FAM135B: variants seen among roughly 807,000 people sequenced by gnomAD.
FAM135B encodes family with sequence similarity 135 member B, also known as protein FAM135B.
Under a neutral mutation model 127.7 loss-of-function variants are expected in FAM135B, and 43 were observed. The observed-to-expected ratio is 0.34, with a 90% CI of 0.26 to 0.43. FAM135B has a LOEUF of 0.43. Ranked by LOEUF, FAM135B falls within the 20% of genes least tolerant of loss-of-function variation. FAM135B has a pLI of 1.00. For missense variants in FAM135B, 1,558 were observed against 1,725.6 expected (o/e 0.90, Z 1.72); for synonymous variants, 670 against 665.1 (o/e 1.01, Z -0.11).
At chr8:138,424,192 A>T (rs905154470) in intron 1 of FAM135B, among the ~76,000 whole-genome samples, 8 of 152,212 alleles carry the variant, frequency 5.3e-5, no homozygotes, top group Non-Finnish European at 1.0e-4. Context: ...TAAGATATTA[A>T]AGACAGGCAT....
chr8:138,369,218 A>AGGGAGAGAAT (rs1005897593), intron 1 of FAM135B, among the ~76,000 whole-genome samples: 4 of 152,150 alleles, frequency 2.6e-5, no homozygotes, highest in Non-Finnish European at 4.4e-5. Context: ...ACCTCTGGGA[A>AGGGAGAGAAT]GGGAGAGAAT....
chr8:138,323,141 A>G (rs1827567015), intron 2 of FAM135B, among the ~76,000 whole-genome samples: 1 of 152,208 alleles, frequency 6.6e-6, no homozygotes, highest in African/African-American at 2.4e-5. Context: ...TAATCACAAT[A>G]TAATAATTCA....
At chr8:138,202,903 G>C (rs149896078) in intron 7 of FAM135B, among the ~76,000 whole-genome samples, 2 of 152,234 alleles carry the variant, frequency 1.3e-5, no homozygotes, top group Non-Finnish European at 2.9e-5. Flanking sequence ...TTTGAAGGCA[G>C]AATCTGGAAT....
chr8:138,225,447 C>CA (rs1178038402), intron 7 of FAM135B, among the ~76,000 whole-genome samples: 19 of 109,070 alleles, frequency 1.7e-4, no homozygotes, highest in East Asian at 4.9e-4. Context: ...CTATTTAAGC[C>CA]AAAAAAACAA....
intron 1 of FAM135B, among the ~76,000 whole-genome samples, chr8:138,449,978 A>ACAGAGTAGT (rs1285221938): frequency 6.6e-6 from 1 of 152,212 alleles, no homozygotes; most frequent in Non-Finnish European, 1.5e-5. Flanking sequence ...ATGGTATCAT[A>ACAGAGTAGT]CAGAGTAGTT....
At chr8:138,368,408 T>A (rs1244183104) in intron 1 of FAM135B, among the ~76,000 whole-genome samples, 1 of 152,206 alleles carries the variant, frequency 6.6e-6, no homozygotes, top group Non-Finnish European at 1.5e-5. Flanking sequence ...TCTTCAGTGT[T>A]CTCATCTGTA....
rs73432165 is a variant in FAM135B, at chr8:138,413,932, C to T, written c.-19-45930G>A. The stretch of plus-strand genomic sequence containing the variant: ...CACCTCCCCTCTTGCCTTGGCTAGG[C>T]CTACACCCTTCACTTCCCAATATCC... On this transcript the variant is annotated intron_variant, in intron 1 of 19. Transcript: ENST00000395297. 2.0e-3 allele frequency among the ~76,000 whole-genome samples: 296 copies of T among 151,776 alleles called. 1 individual carries two copies. Among genetic ancestry groups the T allele is most frequent in the African/African-American group, 6.8e-3 (281 of 41,406 alleles).
intron 2 of FAM135B, among the ~76,000 whole-genome samples, chr8:138,353,341 A>G (rs11994679): frequency 0.4 from 60,790 of 152,110 alleles, 12,578 homozygotes; most frequent in East Asian, 0.54. Context: ...ATTTTTGCAA[A>G]GGCTATTCTT....
rs954044030 is a variant in FAM135B at position 138,241,416 on chromosome 8, T to C, written c.669+1526A>G. Among the ~76,000 whole-genome samples the C allele has an allele frequency of 1.1e-4, 17 of 152,188 alleles. No individual in the cohort carries two copies. The highest frequency in any genetic ancestry group is 2.4e-4 in the Non-Finnish European group (16 of 68,032). Reference sequence around the variant, plus strand: ...CACAGAACCCCATTCTGGCTTCAGGTCCCCTCAGCAGGTTCTTGACAACTC... The same window carrying C: ...CACAGAACCCCATTCTGGCTTCAGGCCCCCTCAGCAGGTTCTTGACAACTC... On this transcript the variant is annotated intron_variant, in intron 7 of 19. Coordinates refer to ENST00000395297, the MANE Select transcript of FAM135B (RefSeq NM_015912.4). This position sits in a 1 kb window ranked among gnomAD's most constrained non-coding sequence, Gnocchi z 4.8.
intron 1 of FAM135B, among the ~76,000 whole-genome samples, chr8:138,463,212 A>G (rs1376451752): frequency 6.6e-6 from 1 of 152,226 alleles, no homozygotes; most frequent in Non-Finnish European, 1.5e-5. Flanking sequence ...GAGATAGAAA[A>G]GAGATGGTAA....
At chr8:138,451,225 G>A (rs1330071646) in intron 1 of FAM135B, among the ~76,000 whole-genome samples, 4 of 152,136 alleles carry the variant, frequency 2.6e-5, no homozygotes, top group Admixed American at 2.6e-4. Flanking sequence ...TACTAATTCA[G>A]CAATTCCCTC....
intron 12 of FAM135B, 76 bp from the exon 13 acceptor site, chr8:138,153,292 T>C (rs1818360844): frequency 1.6e-6 from 2 of 1,232,474 alleles, no homozygotes; most frequent in Admixed American, 5.8e-5. Context: ...TGTCTAACTG[T>C]ATAATAAAGA....
Position 138,134,371 on chromosome 8 carries a change from G to A in FAM135B, c.4016-1573C>T, listed in dbSNP as rs1816454107. Among the ~76,000 whole-genome samples the A allele has an allele frequency of 1.3e-5, 2 of 152,052 alleles. 1 individual carries two copies. The highest frequency in any genetic ancestry group is 4.2e-4 in the South Asian group (2 of 4,818). On this transcript the variant is annotated intron_variant, in intron 19 of 19. Transcript: ENST00000395297. ...TGTTTAAATTGTATATGCAATAAAG[G>A]TCAGAAGGTCATTTATTTAAAGAAA...
At chr8:138,249,863 T>C (rs572945103) in intron 6 of FAM135B, among the ~76,000 whole-genome samples, 2 of 152,354 alleles carry the variant, frequency 1.3e-5, no homozygotes, top group South Asian at 2.1e-4. Flanking sequence ...CTTTTGCCCA[T>C]GTGCATGTGT....
At chr8:138,455,886 G>C (rs1836747468) in intron 1 of FAM135B, among the ~76,000 whole-genome samples, 1 of 114,332 alleles carries the variant, frequency 8.7e-6, no homozygotes, top group Non-Finnish European at 2.0e-5. Context: ...AGGAATGGTG[G>C]TTATGTGCAC....
intron 1 of FAM135B, among the ~76,000 whole-genome samples, chr8:138,402,215 C>T (rs1162780968): frequency 6.6e-6 from 1 of 152,118 alleles, no homozygotes; most frequent in East Asian, 1.9e-4. Context: ...TTTCAACAGA[C>T]TCAATCCTTC....
chr8:138,254,892 T>C (rs563730678), intron 5 of FAM135B, among the ~76,000 whole-genome samples: 2 of 152,280 alleles, frequency 1.3e-5, no homozygotes, highest in South Asian at 2.1e-4. Flanking sequence ...GACACTTCAG[T>C]AGACATCCAT....
At chr8:138,177,523 A>C (rs1814589622) in intron 10 of FAM135B, 103 bp from the exon 11 acceptor site, 1 of 1,033,028 alleles carries the variant, frequency 9.7e-7, no homozygotes, top group Admixed American at 2.4e-5. Context: ...ATATTTCCTA[A>C]TAGGAAGAGA....
At position 138,183,858 on chromosome 8, in the gene FAM135B, T is replaced by C. The variant is rs77810002; in HGVS notation, c.874-5168A>G. Among the ~76,000 whole-genome samples, 11 of 152,346 alleles carry C rather than the reference T, an allele frequency of 7.2e-5. No individual in the cohort carries two copies. In the East Asian group the frequency reaches 1.7e-3, roughly 24 times the overall value. Reference sequence around the variant, plus strand: ...CTACCTGGTGCTATTTGGAGACACGTTTTGCAGTTTTGCTTCAGCAAATAT... The same window carrying C: ...CTACCTGGTGCTATTTGGAGACACGCTTTGCAGTTTTGCTTCAGCAAATAT... On this transcript the variant is annotated intron_variant, in intron 9 of 19. Coordinates refer to ENST00000395297, the MANE Select transcript of FAM135B (RefSeq NM_015912.4).
Sources: gnomAD v4.1 joint callset for allele counts (sites outside exome capture counted in the v4.1 genomes callset) on GRCh38, gnomAD v4.1.1 for gene constraint, Gnocchi (gnomAD v3.1) non-coding constraint, MANE v1.5 for transcripts, NCBI Gene and HGNC (gene_info 2026-07-23, HGNC 2026-07-21) for gene names.